Variants in TASOR observed in about 807,000 individuals in gnomAD.
TASOR encodes the protein transcription activation suppressor.
In TASOR, 53 loss-of-function variants were observed where a neutral mutation model predicts 178.6. That is an observed-to-expected ratio of 0.30 (90% CI 0.24 to 0.37). The LOEUF (loss-of-function observed/expected upper bound fraction) is 0.37. TASOR is among the 10% of genes least tolerant of loss of function. The pLI is 1.00. For missense variants in TASOR, 1,815 were observed against 1,971.4 expected (o/e 0.92, Z 1.50); for synonymous variants, 713 against 696.2 (o/e 1.02, Z -0.38).
At chr3:56,625,075 G>C in intron 21 of TASOR, 69 bp from the exon 22 acceptor site, 1 of 1,492,968 alleles carries the variant, frequency 6.7e-7, no homozygotes, top group East Asian at 2.3e-5. Context: ...TTCTGCTTTA[G>C]ATTAAAATTC....
In TASOR at chr3:56,623,054, A is replaced by G. The variant is rs2076722060; in HGVS notation, c.4996T>C (p.Tyr1666His). The G allele has an allele frequency of 6.4e-7, 1 of 1,554,748 alleles. No homozygotes were observed. Among genetic ancestry groups the G allele is most frequent in the Admixed American group, 2.0e-5 (1 of 48,836 alleles). ...SWGKSDSSRPYSQEK is the reference protein window; with the variant it reads ...SWGKSDSSRPHSQEK ...TACTACAGTTATTTCTCTTGTGAAT[A>G]TGGCCTGGAAGAATCACTTTTCCCC... The change falls in exon 24 of 24, where the codon TAT (tyrosine) becomes CAT (histidine). Residue 1666 changes from tyrosine (Y) to histidine (H), a missense_variant. Tyr to His is a moderately conservative substitution (Grantham distance 83, BLOSUM62 2). Transcript: ENST00000683822.
At chr3:56,673,950 C>A (rs2031006112) in intron 1 of TASOR, among the ~76,000 whole-genome samples, 1 of 152,074 alleles carries the variant, frequency 6.6e-6, no homozygotes, top group South Asian at 2.1e-4. Context: ...TCTGGCATTA[C>A]ATACATAGAC....
chr3:56,666,441 A>AT, intron 6 of TASOR, 57 bp from the exon 7 acceptor site: 1 of 1,296,224 alleles, frequency 7.7e-7, no homozygotes, highest in Non-Finnish European at 1.0e-6. Flanking sequence ...GAAACCTTAT[A>AT]TTTAACTGCC....
chr3:56,645,683 A>G (rs1292255232), intron 14 of TASOR, among the ~76,000 whole-genome samples: 1 of 152,214 alleles, frequency 6.6e-6, no homozygotes, highest in East Asian at 1.9e-4. Context: ...AAAACAAAAC[A>G]AAGGAAAAAA....
chr3:56,657,710 G>C (rs1559841077), intron 11 of TASOR, among the ~76,000 whole-genome samples: 1 of 152,192 alleles, frequency 6.6e-6, no homozygotes, highest in African/African-American at 2.4e-5. Flanking sequence ...TTTCAATACA[G>C]AATGAGTTTC....
At chr3:56,626,678 G>A (rs1332752303) in intron 21 of TASOR, among the ~76,000 whole-genome samples, 2 of 152,074 alleles carry the variant, frequency 1.3e-5, no homozygotes, top group Non-Finnish European at 2.9e-5. Flanking sequence ...AGGAGGTGGA[G>A]GTTGCAGTGA....
rs140813151 is a variant in TASOR at position 56,671,068 on chromosome 3, C to T, written c.570+532G>A. 6.0e-3 allele frequency among the ~76,000 whole-genome samples: 905 copies of T among 150,066 alleles called. 7 individuals are homozygous for T. Among genetic ancestry groups the T allele is most frequent in the South Asian group, 0.025 (118 of 4,708 alleles). ...CTTAATAAAGAAAAAAGGCCAGGCG[C>T]GGTGGCTCACACCTGTAATCCCAGC... On this transcript the variant is annotated intron_variant, in intron 3 of 23. Coordinates refer to ENST00000683822, the MANE Select transcript of TASOR (RefSeq NM_001365635.2).
chr3:56,683,230 G>C lies in TASOR; in HGVS notation c.-224C>G. The C allele has an allele frequency of 2.1e-6, 1 of 470,268 alleles. No individual in the cohort carries two copies. Among genetic ancestry groups the C allele is most frequent in the Non-Finnish European group, 3.7e-6 (1 of 269,708 alleles). The allele number at this position is 470,268 out of a possible 1,614,324, so 29.1% of individuals were successfully genotyped here. A position where few individuals can be genotyped will look rare whatever the true frequency, so the allele number is the denominator to read the frequency against. On this transcript the variant is annotated 5_prime_UTR_variant, in exon 1 of 24. Coordinates refer to ENST00000683822, the MANE Select transcript of TASOR (RefSeq NM_001365635.2). ...CTCGGAGCCGCTCCTCCCTCGGGCA[G>C]TTCTTCTGCCTTCCCCCGCCACTCA... is the stretch of plus-strand genomic sequence containing the variant.
In TASOR at chr3:56,623,166, T is replaced by C. The variant is rs2076725234; in HGVS notation, c.4884A>G (p.Ser1628=). 6.2e-7 allele frequency: 1 copy of C among 1,613,750 alleles called. No homozygotes were observed. The highest frequency in any genetic ancestry group is 1.3e-5 in the African/African-American group (1 of 74,910). The change falls in exon 24 of 24, where the codon TCA becomes TCG. Residue 1628 remains serine (S), a synonymous_variant. Transcript: ENST00000683822. The part of the protein sequence containing the change: ...TFLGTPYALS[S]SQSQENENYF... Reference sequence around the variant, plus strand: ...AATTCTCATTTTCTTGAGACTGACTTGATGAAAGGGCATATGGTGTCCCCA... The same window carrying C: ...AATTCTCATTTTCTTGAGACTGACTCGATGAAAGGGCATATGGTGTCCCCA...
chr3:56,660,610 AACAG>A lies in TASOR; in HGVS notation c.1368+117_1368+120del, dbSNP rs1460652816. On this transcript the variant is annotated intron_variant, in intron 11 of 23. Coordinates refer to ENST00000683822, the MANE Select transcript of TASOR (RefSeq NM_001365635.2). The stretch of plus-strand genomic sequence containing the variant: ...AAAACACTGTTAACTAAACAGCAGC[AACAG>A]ACAGACACCTCATGGTACTTTCAGA... The A allele has an allele frequency of 4.2e-5, 29 of 692,348 alleles. No homozygotes were observed. The Admixed American group carries it at 4.9e-4, about 12-fold the overall frequency. The allele number at this position is 692,348 out of a possible 1,614,324, so 42.9% of individuals were successfully genotyped here. A position where few individuals can be genotyped will look rare whatever the true frequency, so the allele number is the denominator to read the frequency against.
rs974122011 is a variant in TASOR at position 56,683,125 on chromosome 3, C to T, written c.-119G>A. ...TCTCAGCCCACCCACCCCCTTCCCCCCGTGGCCTCAGGCTGCGCTCCCGAC... is the reference window on the plus strand; with the variant it reads ...TCTCAGCCCACCCACCCCCTTCCCCTCGTGGCCTCAGGCTGCGCTCCCGAC... On this transcript the variant is annotated 5_prime_UTR_variant, in exon 1 of 24. Coordinates refer to ENST00000683822, the MANE Select transcript of TASOR (RefSeq NM_001365635.2). The T allele has an allele frequency of 4.1e-6, 5 of 1,216,678 alleles. No homozygotes were observed. Among genetic ancestry groups the T allele is most frequent in the African/African-American group, 3.1e-5 (2 of 65,144 alleles). The allele number at this position is 1,216,678 out of a possible 1,614,324, so 75.4% of individuals were successfully genotyped here.
At chr3:56,669,549 T>A (rs2030454612) in intron 5 of TASOR, 151 bp downstream of exon 5, 4 of 549,188 alleles carry the variant, frequency 7.3e-6, no homozygotes, top group African/African-American at 2.0e-5. Flanking sequence ...CAAAAAAAGA[T>A]GGCAAATAAA....
At chr3:56,637,443 C>CTAA (rs1269831049) in intron 17 of TASOR, among the ~76,000 whole-genome samples, 1 of 151,898 alleles carries the variant, frequency 6.6e-6, no homozygotes, top group Non-Finnish European at 1.5e-5. Flanking sequence ...AATCGCTTAA[C>CTAA]CCAGGAGGCA....
intron 14 of TASOR, among the ~76,000 whole-genome samples, chr3:56,644,639 A>G (rs1383556353): frequency 6.6e-6 from 1 of 152,218 alleles, no homozygotes; most frequent in Non-Finnish European, 1.5e-5. Flanking sequence ...TGAGATTGGT[A>G]GCAAATTAGC....
In TASOR at chr3:56,669,795, GAA is replaced by G. The variant is rs1559850839; in HGVS notation, c.644-6_644-5del. ...GCATACCTAGAAAGATAGACACCTA[GAA>G]AAGACGGAAAAATTAAGGAAACTGA... On this transcript the variant is annotated splice_polypyrimidine_tract_variant and splice_region_variant and intron_variant, in intron 4 of 23. Coordinates refer to ENST00000683822, the MANE Select transcript of TASOR (RefSeq NM_001365635.2). 3.9e-6 allele frequency: 6 copies of G among 1,520,018 alleles called. No individual in the cohort carries two copies. In the East Asian group the frequency reaches 1.2e-4, roughly 31 times the overall value. 94.2% of individuals were successfully genotyped at this position (1,520,018 alleles called of 1,614,324 possible).
At position 56,622,981 on chromosome 3, in the gene TASOR, A is replaced by T; in HGVS notation, c.*56T>A. 8.5e-7 allele frequency: 1 copy of T among 1,177,036 alleles called. No homozygotes were observed. Among genetic ancestry groups the T allele is most frequent in the Non-Finnish European group, 1.2e-6 (1 of 853,960 alleles). The allele number at this position is 1,177,036 out of a possible 1,614,324, so 72.9% of individuals were successfully genotyped here. On this transcript the variant is annotated 3_prime_UTR_variant, in exon 24 of 24. Coordinates refer to ENST00000683822, the MANE Select transcript of TASOR (RefSeq NM_001365635.2). ...GAACCTTTTGTTTAGAGAATGAAAT[A>T]TAAATTGTTAATAAACAAAGTCCAC...
intron 3 of TASOR, 152 bp downstream of exon 3, chr3:56,671,448 A>G: frequency 1.8e-6 from 1 of 543,240 alleles, no homozygotes; most frequent in Non-Finnish European, 3.2e-6. Flanking sequence ...AACAAATTAC[A>G]AACAATAAAC....
chr3:56,679,426 G>A (rs2031602483), intron 1 of TASOR, among the ~76,000 whole-genome samples: 1 of 152,198 alleles, frequency 6.6e-6, no homozygotes, highest in African/African-American at 2.4e-5. Context: ...TTGCTATTAT[G>A]TATGGAGAGA....
At chr3:56,632,957 T>C in intron 18 of TASOR, 87 bp downstream of exon 18, 1 of 1,110,348 alleles carries the variant, frequency 9.0e-7, no homozygotes. Flanking sequence ...ACACAAAACA[T>C]TTAAATACAA....
Sources: allele counts gnomAD v4.1 joint callset (sites outside exome capture counted in the v4.1 genomes callset), GRCh38; gene constraint gnomAD v4.1.1; transcripts MANE v1.5; gene names NCBI Gene and HGNC (gene_info 2026-07-23, HGNC 2026-07-21).